CFAP221: variants seen among roughly 807,000 people sequenced by gnomAD.
CFAP221 encodes the protein cilia- and flagella-associated protein 221.
Under a neutral mutation model 113.1 loss-of-function variants are expected in CFAP221, and 97 were observed. That is an observed-to-expected ratio of 0.86 (90% CI 0.73 to 1.02). The LOEUF (loss-of-function observed/expected upper bound fraction) is 1.02, where lower values mean the gene tolerates loss of function less well. Ranked by LOEUF, CFAP221 falls within the 50% of genes least tolerant of loss-of-function variation. The probability of loss-of-function intolerance (pLI) is 0.00; values close to 1 mark genes in which losing one functional copy is unlikely to be tolerated. For synonymous variants in CFAP221, 331 were observed against 354.4 expected, an observed-to-expected ratio of 0.93 and a Z score of 0.74; for missense variants, 1,025 against 1,013.4, an observed-to-expected ratio of 1.01 and a Z score of -0.16.
intron 19 of CFAP221, among the ~76,000 whole-genome samples, chr2:119,633,602 T>C (rs1287095026): frequency 6.6e-6 from 1 of 150,924 alleles, no homozygotes; most frequent in Non-Finnish European, 1.5e-5. Context: ...TACCAAAATA[T>C]ATAAGAAACT....
chr2:119,547,820 G>A (rs1474215334), intron 2 of CFAP221, among the ~76,000 whole-genome samples: 1 of 152,146 alleles, frequency 6.6e-6, no homozygotes. Flanking sequence ...TGATCAAAGG[G>A]ATGGGGTGAA....
chr2:119,610,110 T>G lies in CFAP221; in HGVS notation c.1221+1521T>G, dbSNP rs72834850. Among the ~76,000 whole-genome samples, 681 of 152,304 alleles carry G rather than the reference T, an allele frequency of 4.5e-3. 9 individuals are homozygous for G. The highest frequency in any genetic ancestry group is 6.8e-3 in the Middle Eastern group (2 of 294). Reference sequence around the variant, plus strand: ...TTTTCTAACCTTTTTAAAGGTGAAGTTGGCACAGACATGCCCAGATCAGTC... The same window carrying G: ...TTTTCTAACCTTTTTAAAGGTGAAGGTGGCACAGACATGCCCAGATCAGTC... On this transcript the variant is annotated intron_variant, in intron 12 of 23. Coordinates refer to ENST00000413369, the MANE Select transcript of CFAP221 (RefSeq NM_001271049.2).
At chr2:119,564,354 T>TA (rs978736051) in intron 6 of CFAP221, among the ~76,000 whole-genome samples, 11 of 152,190 alleles carry the variant, frequency 7.2e-5, no homozygotes, top group African/African-American at 2.4e-4. Flanking sequence ...TCTCTCTGCT[T>TA]ACTTTTGTTT....
intron 12 of CFAP221, among the ~76,000 whole-genome samples, chr2:119,609,080 GGGA>G (rs1441199112): frequency 1.3e-5 from 2 of 152,192 alleles, no homozygotes; most frequent in Non-Finnish European, 2.9e-5. Flanking sequence ...TGAGGGGAGT[GGGA>G]CCACACCTGG....
Position 119,605,592 on chromosome 2 carries a change from A to G in CFAP221, c.1133+303A>G, listed in dbSNP as rs377736267. On this transcript the variant is annotated intron_variant, in intron 11 of 23. Coordinates refer to ENST00000413369, the MANE Select transcript of CFAP221 (RefSeq NM_001271049.2). The stretch of plus-strand genomic sequence containing the variant: ...GATCTGGGTGCCTTGGGCACCCCCA[A>G]TCTCACCCCCATCATCCTCCACCTC... 2.0e-5 allele frequency among the ~76,000 whole-genome samples: 3 copies of G among 152,112 alleles called. No individual in the cohort carries two copies. The East Asian group carries it at 5.8e-4, about 30-fold the overall frequency.
rs139702811 is a variant in CFAP221, at chr2:119,634,513, G to A, written c.1974+3612G>A. ...AAAACAGGATATCAAAGAGATATTAGCACTCCTATGTTCATTGCAGCACTA... is the reference window on the plus strand; with the variant it reads ...AAAACAGGATATCAAAGAGATATTAACACTCCTATGTTCATTGCAGCACTA... On this transcript the variant is annotated intron_variant, in intron 19 of 23. Coordinates refer to ENST00000413369, the MANE Select transcript of CFAP221 (RefSeq NM_001271049.2). Among the ~76,000 whole-genome samples, 616 of 152,202 alleles carry A rather than the reference G, an allele frequency of 4.0e-3. 3 individuals are homozygous for A. The highest frequency in any genetic ancestry group is 0.012 in the African/African-American group (512 of 41,530).
intron 6 of CFAP221, among the ~76,000 whole-genome samples, chr2:119,582,127 C>G (rs1317941950): frequency 6.6e-6 from 1 of 152,120 alleles, no homozygotes; most frequent in African/African-American, 2.4e-5. Flanking sequence ...GTAAGAATTT[C>G]CCACACACAA....
intron 6 of CFAP221, among the ~76,000 whole-genome samples, chr2:119,563,628 G>A (rs934719304): frequency 3.6e-4 from 55 of 152,272 alleles, no homozygotes; most frequent in Middle Eastern, 6.8e-3. Context: ...GCAGGACCTG[G>A]TTCCAGCTTT....
At chr2:119,560,076 TA>T (rs1344443172) in intron 5 of CFAP221, 50 bp downstream of exon 5, 2 of 1,301,034 alleles carry the variant, frequency 1.5e-6, no homozygotes, top group East Asian at 5.1e-5. Flanking sequence ...GATGGTGGGT[TA>T]AAACTTACAT....
intron 21 of CFAP221, among the ~76,000 whole-genome samples, chr2:119,646,212 G>A (rs1285096699): frequency 2.6e-5 from 4 of 152,148 alleles, no homozygotes; most frequent in African/African-American, 4.8e-5. Flanking sequence ...GAAAATACTA[G>A]GACCAAAAGT....
chr2:119,560,859 C>T (rs372898469), intron 5 of CFAP221, among the ~76,000 whole-genome samples: 1 of 152,090 alleles, frequency 6.6e-6, no homozygotes. Flanking sequence ...TGACTCACTT[C>T]GTCATATTAG....
intron 7 of CFAP221, among the ~76,000 whole-genome samples, chr2:119,588,734 A>T (rs977375470): frequency 1.3e-5 from 2 of 152,204 alleles, no homozygotes; most frequent in Non-Finnish European, 2.9e-5. Flanking sequence ...ATTACTTAAT[A>T]TTTTAAATTT....
At chr2:119,611,780 C>A in intron 13 of CFAP221, 38 bp downstream of exon 13, 1 of 1,479,392 alleles carries the variant, frequency 6.8e-7, no homozygotes, top group South Asian at 1.2e-5. Context: ...TGATTATTGG[C>A]AGCTCTTTAA....
At chr2:119,659,344 A>T (rs114004280), downstream of CFAP221, among the ~76,000 whole-genome samples, 1,004 of 152,152 alleles carry the variant, frequency 6.6e-3, 7 homozygotes, top group African/African-American at 0.022. Flanking sequence ...TACTCCCATC[A>T]GTGTGGTTGT....
In CFAP221 at chr2:119,647,047, A is replaced by G. The variant is rs772979351; in HGVS notation, c.2315A>G (p.Glu772Gly). The G allele has an allele frequency of 2.9e-5, 44 of 1,509,154 alleles. No individual in the cohort carries two copies. The highest frequency in any genetic ancestry group is 6.3e-5 in the African/African-American group (3 of 47,574). The allele number at this position is 1,509,154 out of a possible 1,614,324, so 93.5% of individuals were successfully genotyped here. A position where few individuals can be genotyped will look rare whatever the true frequency, so the allele number is the denominator to read the frequency against. The change falls in exon 22 of 24, where the codon GAA (glutamate) becomes GGA (glycine). Residue 772 changes from glutamate (E) to glycine (G), a missense_variant. Coordinates refer to ENST00000413369, the MANE Select transcript of CFAP221 (RefSeq NM_001271049.2). Reference sequence around the variant, plus strand: ...GAAGAGGACAGACTAGAAACAGTAGAACGGTATTTTTTTTTTTTTTAATCT... The same window carrying G: ...GAAGAGGACAGACTAGAAACAGTAGGACGGTATTTTTTTTTTTTTTAATCT... ...LPEEDRLETV[E>G]RELCEQNVEV... is the part of the protein sequence containing the mutation.
chr2:119,658,555 T>G (rs116588145), downstream of CFAP221, among the ~76,000 whole-genome samples: 1,772 of 152,044 alleles, frequency 0.012, 24 homozygotes, highest in African/African-American at 0.041. Flanking sequence ...TCCAATTGCT[T>G]CCGAGCCCTC....
At chr2:119,574,822 A>G (rs1682325569) in intron 6 of CFAP221, among the ~76,000 whole-genome samples, 1 of 152,230 alleles carries the variant, frequency 6.6e-6, no homozygotes, top group Non-Finnish European at 1.5e-5. Context: ...TGAACTGACT[A>G]TAATTTCTTA....
intron 14 of CFAP221, among the ~76,000 whole-genome samples, chr2:119,624,618 C>A (rs1282813753): frequency 1.3e-5 from 2 of 152,196 alleles, no homozygotes; most frequent in African/African-American, 2.4e-5. Context: ...TTGGAACCAA[C>A]CCAAATGCCC....
intron 19 of CFAP221, chr2:119,631,210 T>A (rs1165830585): frequency 7.2e-6 from 4 of 554,520 alleles, no homozygotes; most frequent in Non-Finnish European, 9.5e-6. Context: ...TGAATGAAAA[T>A]GAAAACAAAC....
Sources: allele counts gnomAD v4.1 joint callset (sites outside exome capture counted in the v4.1 genomes callset), GRCh38; gene constraint gnomAD v4.1.1; transcripts MANE v1.5; gene names NCBI Gene and HGNC (gene_info 2026-07-23, HGNC 2026-07-21).